COLEC12: variants seen among roughly 807,000 people sequenced by gnomAD.
The protein encoded by COLEC12 is collectin subfamily member 12, also known as collectin-12.
COLEC12 carries 33 observed loss-of-function variants against 71.1 expected under a neutral mutation model. The ratio of observed to expected loss-of-function variants is 0.46; its 90% confidence interval spans 0.35 to 0.62. COLEC12 has a LOEUF of 0.62. Among genes scored for constraint, COLEC12 ranks in the 20% least tolerant of loss-of-function variants. The pLI, the probability that COLEC12 is intolerant of heterozygous loss-of-function variation, is 0.00. For missense variants in COLEC12, 765 were observed against 916.1 expected (o/e 0.84, Z 2.13); for synonymous variants, 350 against 353.0 (o/e 0.99, Z 0.10).
At chr18:419,209 TTC>T (rs1916048931) in intron 2 of COLEC12, among the ~76,000 whole-genome samples, 1 of 141,036 alleles carries the variant, frequency 7.1e-6, no homozygotes, top group South Asian at 2.3e-4. Context: ...TTCTATTCTA[TTC>T]TAATTTTTGA....
chr18:480,624 GTGGCCTGCCAA>G lies in COLEC12; in HGVS notation c.58+72_58+82del. On this transcript the variant is annotated intron_variant, in intron 2 of 9. Transcript: ENST00000400256. This position sits in a 1 kb window ranked among gnomAD's most constrained non-coding sequence, Gnocchi z 4.1. The stretch of plus-strand genomic sequence containing the variant: ...ACCCATGTGCATGAAGGGCCTGCCA[GTGGCCTGCCAA>G]TGGTCTCTGAGGGTTCGTGGCTGCA... The G allele has an allele frequency of 8.1e-7, 1 of 1,233,562 alleles. No individual in the cohort carries two copies. Among genetic ancestry groups the G allele is most frequent in the Non-Finnish European group, 1.2e-6 (1 of 833,034 alleles). The allele number at this position is 1,233,562 out of a possible 1,614,324, so 76.4% of individuals were successfully genotyped here. A position where few individuals can be genotyped will look rare whatever the true frequency, so the allele number is the denominator to read the frequency against.
chr18:333,237 C>T (rs951374268), intron 6 of COLEC12, 94 bp from the exon 7 acceptor site: 26 of 1,080,826 alleles, frequency 2.4e-5, no homozygotes, highest in East Asian at 4.8e-5. Flanking sequence ...ACTGTGGTCC[C>T]GCTGGGAGCA....
At chr18:486,031 C>T (rs1190821766) in intron 1 of COLEC12, among the ~76,000 whole-genome samples, 1 of 152,184 alleles carries the variant, frequency 6.6e-6, no homozygotes, top group African/African-American at 2.4e-5. Flanking sequence ...ACATGTCACT[C>T]TCTTTCCCAC....
chr18:499,980 T>G (rs748823186), intron 1 of COLEC12, among the ~76,000 whole-genome samples: 2 of 152,196 alleles, frequency 1.3e-5, no homozygotes, highest in Non-Finnish European at 2.9e-5. Context: ...CCGAGCCAGC[T>G]GAACTCCTCG....
chr18:460,057 GA>G (rs56855042), intron 2 of COLEC12, among the ~76,000 whole-genome samples: 14 of 147,532 alleles, frequency 9.5e-5, no homozygotes, highest in African/African-American at 1.5e-4. Context: ...AAGGAAAAAA[GA>G]AAAAAAAAAG....
intron 3 of COLEC12, among the ~76,000 whole-genome samples, chr18:352,577 A>G (rs17548840): frequency 0.21 from 31,225 of 152,172 alleles, 3,657 homozygotes; most frequent in Middle Eastern, 0.37. Context: ...TTCCCTGCCC[A>G]CAAGTGCTAA....
rs1160432366 is a variant in COLEC12 at position 406,288 on chromosome 18, T to A, written c.59-48766A>T. 3.3e-5 allele frequency among the ~76,000 whole-genome samples: 5 copies of A among 152,064 alleles called. No homozygotes were observed. In the East Asian group the frequency reaches 7.8e-4, roughly 24 times the overall value. ...ACTTTGGGAGGCCGAGGCGGGTGGA[T>A]CATGAGGTCAGGAGATCGAGACCAT... On this transcript the variant is annotated intron_variant, in intron 2 of 9. Coordinates refer to ENST00000400256, the MANE Select transcript of COLEC12 (RefSeq NM_130386.3).
In COLEC12 at chr18:346,838, C is replaced by T. The variant is rs1914388070; in HGVS notation, c.784G>A (p.Val262Met). The T allele has an allele frequency of 1.2e-6, 2 of 1,614,192 alleles. No individual in the cohort carries two copies. The highest frequency in any genetic ancestry group is 4.5e-5 in the East Asian group (2 of 44,882). The change falls in exon 5 of 10, where the codon GTG (valine) becomes ATG (methionine). Residue 262 changes from valine (V) to methionine (M), a missense_variant. Transcript: ENST00000400256. The surrounding 1 kb of genome is among the most constrained non-coding windows in gnomAD (Gnocchi z 4.0). ...GCAGCCAGCGTCTGCAAGCTCTGCA[C>T]TTTCTCCTTCAGCCAATCCGTGTCC... The part of the protein sequence containing the change: ...KKDTDWLKEK[V>M]QSLQTLAANN...
intron 3 of COLEC12, among the ~76,000 whole-genome samples, chr18:348,985 C>T (rs2143479112): frequency 6.6e-6 from 1 of 152,258 alleles, no homozygotes; most frequent in South Asian, 2.1e-4. Context: ...TTCCCCTATA[C>T]TGTTCTGGTG....
chr18:373,316 C>T (rs956392779), intron 2 of COLEC12, among the ~76,000 whole-genome samples: 5 of 152,176 alleles, frequency 3.3e-5, no homozygotes, highest in African/African-American at 1.2e-4. Flanking sequence ...AAGGGAACAC[C>T]TTGCAACTTC....
intron 2 of COLEC12, among the ~76,000 whole-genome samples, chr18:470,593 A>C (rs897987009): frequency 1.3e-5 from 2 of 151,972 alleles, no homozygotes; most frequent in Non-Finnish European, 2.9e-5. Flanking sequence ...AAAAAAAAAA[A>C]ATTTTTTTTT....
At chr18:420,281 C>A (rs1363000144) in intron 2 of COLEC12, among the ~76,000 whole-genome samples, 2 of 152,112 alleles carry the variant, frequency 1.3e-5, no homozygotes, top group Non-Finnish European at 2.9e-5. Flanking sequence ...GGCAATGTAA[C>A]ACGTGTATCA....
chr18:383,230 A>G (rs1242597376), intron 2 of COLEC12, among the ~76,000 whole-genome samples: 1 of 152,208 alleles, frequency 6.6e-6, no homozygotes, highest in Non-Finnish European at 1.5e-5. Flanking sequence ...CCAGAACATA[A>G]TTTAATTTAA....
intron 2 of COLEC12, among the ~76,000 whole-genome samples, chr18:460,959 T>A (rs1916972364): frequency 6.6e-6 from 1 of 152,226 alleles, no homozygotes; most frequent in African/African-American, 2.4e-5. Flanking sequence ...ATGAGCTAAC[T>A]TTGAATGAAG....
intron 2 of COLEC12, among the ~76,000 whole-genome samples, chr18:437,298 G>C (rs114158092): frequency 2.0e-5 from 3 of 152,176 alleles, no homozygotes; most frequent in Non-Finnish European, 4.4e-5. Context: ...TGGGCCACCA[G>C]GCACATGTTC....
intron 1 of COLEC12, among the ~76,000 whole-genome samples, chr18:483,953 A>C (rs1226615780): frequency 1.3e-5 from 2 of 152,152 alleles, no homozygotes; most frequent in Non-Finnish European, 2.9e-5. Context: ...CCACTGTGCC[A>C]CCTCTGCAGC....
chr18:369,419 A>T (rs1472001498), intron 2 of COLEC12, among the ~76,000 whole-genome samples: 252 of 109,600 alleles, frequency 2.3e-3, no homozygotes, highest in South Asian at 2.4e-3. Flanking sequence ...TTTTATTTTT[A>T]TTTTTATTTT....
chr18:483,867 C>A (rs1268459294), intron 1 of COLEC12, among the ~76,000 whole-genome samples: 1 of 152,170 alleles, frequency 6.6e-6, no homozygotes, highest in Non-Finnish European at 1.5e-5. Flanking sequence ...TACAGCCTAG[C>A]GGAGTTGATG....
chr18:482,574 T>C (rs1486248789), intron 1 of COLEC12, among the ~76,000 whole-genome samples: 1 of 152,156 alleles, frequency 6.6e-6, no homozygotes, highest in Non-Finnish European at 1.5e-5. Context: ...TGCCAGGCTG[T>C]GGCTTCAGAG....
Sources: gnomAD v4.1 joint callset for allele counts (sites outside exome capture counted in the v4.1 genomes callset) on GRCh38, gnomAD v4.1.1 for gene constraint, Gnocchi (gnomAD v3.1) non-coding constraint, MANE v1.5 for transcripts, NCBI Gene and HGNC (gene_info 2026-07-23, HGNC 2026-07-21) for gene names.